The following NVL variants were observed in gnomAD, a reference collection of about 807,000 sequenced individuals.
NVL encodes the protein nuclear valosin-containing protein-like.
In NVL, 84 loss-of-function variants were observed where a neutral mutation model predicts 110.2. The ratio of observed to expected loss-of-function variants is 0.76; its 90% CI spans 0.64 to 0.91. NVL has a LOEUF of 0.91. Ranked by LOEUF, NVL falls within the 40% of genes least tolerant of loss-of-function variation. The pLI, the probability that NVL is intolerant of heterozygous loss-of-function variation, is 0.00. For synonymous variants in NVL, 354 were observed against 361.1 expected, an observed-to-expected ratio of 0.98 and a Z score of 0.22; for missense variants, 882 against 1,035.9, an observed-to-expected ratio of 0.85 and a Z score of 2.04.
intron 18 of NVL, among the ~76,000 whole-genome samples, chr1:224,253,463 A>C (rs925194602): frequency 1.1e-4 from 17 of 151,320 alleles, no homozygotes; most frequent in African/African-American, 1.7e-4. Context: ...GGCCGGGTGG[A>C]GTGGCTCACG....
intron 12 of NVL, among the ~76,000 whole-genome samples, chr1:224,292,691 T>C (rs1667485661): frequency 6.6e-6 from 1 of 152,126 alleles, no homozygotes; most frequent in Admixed American, 6.5e-5. Flanking sequence ...TATGTGCAAT[T>C]ACTCCCACAC....
chr1:224,322,986 T>C (rs2102792599), intron 2 of NVL, among the ~76,000 whole-genome samples: 1 of 150,308 alleles, frequency 6.7e-6, no homozygotes, highest in Middle Eastern at 3.5e-3. Context: ...GCAATTCTGG[T>C]AAGAGCTCAG....
At chr1:224,328,073 C>G (rs1035962793) in intron 1 of NVL, among the ~76,000 whole-genome samples, 2 of 151,912 alleles carry the variant, frequency 1.3e-5, no homozygotes, top group African/African-American at 4.8e-5. Flanking sequence ...GATTTCCCCC[C>G]CCTTTTTTTT....
At chr1:224,273,851 G>A (rs1665448192) in intron 17 of NVL, among the ~76,000 whole-genome samples, 1 of 152,146 alleles carries the variant, frequency 6.6e-6, no homozygotes, top group Non-Finnish European at 1.5e-5. Flanking sequence ...TCAAAGATAA[G>A]CCTGTAGTAA....
At position 224,250,096 on chromosome 1, in the gene NVL, G is replaced by A. The variant is rs1401952563; in HGVS notation, c.2289+116C>T. The A allele has an allele frequency of 3.0e-6, 3 of 988,134 alleles. No individual in the cohort carries two copies. In the South Asian group the frequency reaches 5.3e-5, roughly 18 times the overall value. 61.2% of individuals were successfully genotyped at this position (988,134 alleles called of 1,614,324 possible). A position where few individuals can be genotyped will look rare whatever the true frequency, so the allele number is the denominator to read the frequency against. On this transcript the variant is annotated intron_variant, in intron 19 of 22. Coordinates refer to ENST00000281701, the MANE Select transcript of NVL (RefSeq NM_002533.4). The stretch of plus-strand genomic sequence containing the variant: ...CTTCCCTTTGGGAGATATAGGCTGG[G>A]CAAACACAGCTACAGAAAAGAAAGT...
chr1:224,311,247 G>C (rs570210641), intron 5 of NVL, among the ~76,000 whole-genome samples: 6 of 151,616 alleles, frequency 4.0e-5, no homozygotes, highest in African/African-American at 1.5e-4. Context: ...TTTTGGTAGA[G>C]ATGGGGTTGT....
chr1:224,308,292 C>T, intron 5 of NVL, 29 bp from the exon 6 acceptor site: 1 of 1,571,300 alleles, frequency 6.4e-7, no homozygotes, highest in Non-Finnish European at 8.6e-7. Context: ...AAAATTGTAG[C>T]ATAAATTACT....
At chr1:224,319,852 AT>A (rs1409281880) in intron 2 of NVL, among the ~76,000 whole-genome samples, 1 of 152,178 alleles carries the variant, frequency 6.6e-6, no homozygotes, top group Admixed American at 6.5e-5. Flanking sequence ...ACATTACCGA[AT>A]AACACCCCAC....
At chr1:224,292,313 T>C (rs1282561834) in intron 12 of NVL, among the ~76,000 whole-genome samples, 1 of 152,196 alleles carries the variant, frequency 6.6e-6, no homozygotes, top group Non-Finnish European at 1.5e-5. Flanking sequence ...ATGTCAGATA[T>C]TGTGCTAGGT....
intron 4 of NVL, 32 bp downstream of exon 4, chr1:224,317,662 G>A (rs372067382): frequency 3.1e-6 from 4 of 1,297,244 alleles, no homozygotes; most frequent in Non-Finnish European, 4.4e-6. Flanking sequence ...AAAGTTCATG[G>A]TTTAAAAAAA....
At chr1:224,312,549 G>A (rs1669623934) in intron 4 of NVL, 1 of 152,198 alleles carries the variant, frequency 6.6e-6, no homozygotes, top group African/African-American at 2.4e-5. Context: ...GCCCGGCATG[G>A]TGGCTCACGC....
chr1:224,270,381 AC>A (rs879866334), intron 17 of NVL, among the ~76,000 whole-genome samples: 5 of 151,992 alleles, frequency 3.3e-5, no homozygotes, highest in Admixed American at 6.6e-5. Flanking sequence ...ACATGGCAAA[AC>A]CCCATCTCTA....
intron 18 of NVL, among the ~76,000 whole-genome samples, chr1:224,266,231 TCC>T (rs35103034): frequency 3.9e-5 from 6 of 152,064 alleles, no homozygotes; most frequent in African/African-American, 1.4e-4. Flanking sequence ...CTCCCCAGGA[TCC>T]CCCCTCTCTC....
At chr1:224,252,147 T>C (rs1662577909) in intron 18 of NVL, among the ~76,000 whole-genome samples, 1 of 152,178 alleles carries the variant, frequency 6.6e-6, no homozygotes. Flanking sequence ...TTGCCTTCTC[T>C]GTGCTCTCAG....
intron 7 of NVL, 107 bp from the exon 8 acceptor site, chr1:224,304,919 T>G: frequency 6.6e-7 from 1 of 1,508,048 alleles, no homozygotes; most frequent in Non-Finnish European, 9.1e-7. Flanking sequence ...ATAGAAATAT[T>G]TCCTGGTAAA....
intron 13 of NVL, 185 bp downstream of exon 13, chr1:224,289,299 C>G: frequency 1.8e-6 from 1 of 567,750 alleles, no homozygotes; most frequent in Non-Finnish European, 2.9e-6. Flanking sequence ...TTAAAATAAA[C>G]TAAACATAAA....
chr1:224,263,403 G>C (rs1184381249), intron 18 of NVL, among the ~76,000 whole-genome samples: 1 of 152,168 alleles, frequency 6.6e-6, no homozygotes, highest in Non-Finnish European at 1.5e-5. Context: ...ACTGGTGATT[G>C]TTTTAAATAA....
intron 15 of NVL, among the ~76,000 whole-genome samples, chr1:224,284,770 T>C (rs975073143): frequency 3.3e-5 from 5 of 152,232 alleles, no homozygotes; most frequent in Admixed American, 6.5e-5. Context: ...GCAATGTTCA[T>C]GGCCATCACT....
intron 6 of NVL, 173 bp from the exon 7 acceptor site, chr1:224,305,339 C>T: frequency 1.6e-6 from 1 of 613,914 alleles, no homozygotes; most frequent in South Asian, 2.1e-5. Flanking sequence ...GAAAGTCCTT[C>T]TCCTCATTCC....
Sources: gnomAD v4.1 joint callset for allele counts (sites outside exome capture counted in the v4.1 genomes callset) on GRCh38, gnomAD v4.1.1 for gene constraint, MANE v1.5 for transcripts, NCBI Gene and HGNC (gene_info 2026-07-23, HGNC 2026-07-21) for gene names.